Variants in PDGFD observed in about 807,000 individuals in gnomAD.
PDGFD encodes platelet-derived growth factor D.
Under a neutral mutation model 44.7 loss-of-function variants are expected in PDGFD, and 30 were observed. The observed-to-expected ratio is 0.67, with a 90% CI of 0.50 to 0.91. The LOEUF is 0.91. PDGFD is among the 40% of genes least tolerant of loss of function. The pLI, the probability that PDGFD is intolerant of heterozygous loss-of-function variation, is 0.00. For synonymous variants in PDGFD, 173 were observed against 168.4 expected (o/e 1.03, Z -0.21); for missense variants, 445 against 457.8 (o/e 0.97, Z 0.25).
At chr11:103,965,767 C>T (rs147432816) in intron 3 of PDGFD, among the ~76,000 whole-genome samples, 1 of 152,272 alleles carries the variant, frequency 6.6e-6, no homozygotes, top group African/African-American at 2.4e-5. Context: ...TTCTGACTGA[C>T]AGGTTTAGAG....
chr11:104,130,000 G>GAAA lies in PDGFD; in HGVS notation c.124+33801_124+33803dup, dbSNP rs34312271. Among the ~76,000 whole-genome samples the GAAA allele has an allele frequency of 2.7e-4, 35 of 128,612 alleles. No individual in the cohort carries two copies. The Middle Eastern group carries it at 0.012, about 43-fold the overall frequency. 84.4% of individuals were successfully genotyped at this position (128,612 alleles called of 152,430 possible). ...CTCCAACCTGGGCAACAAGACCTCT[G>GAAA]AAAAAAAAAAAAAAGGAGCTAACAA... On this transcript the variant is annotated intron_variant, in intron 1 of 6. Transcript: ENST00000393158.
Position 104,103,734 on chromosome 11 carries a change from G to A in PDGFD, c.124+60070C>T, listed in dbSNP as rs1255012556. 1.1e-4 allele frequency among the ~76,000 whole-genome samples: 16 copies of A among 151,904 alleles called. No individual in the cohort carries two copies. The East Asian group carries it at 1.7e-3, about 17-fold the overall frequency. On this transcript the variant is annotated intron_variant, in intron 1 of 6. Coordinates refer to ENST00000393158, the MANE Select transcript of PDGFD (RefSeq NM_025208.5). ...TACTTACATGTTTGTGGTGAAGCTG[G>A]TGTAAGCAAACTTACTCTACTGCCA...
intron 1 of PDGFD, among the ~76,000 whole-genome samples, chr11:104,058,625 C>T (rs1247076236): frequency 2.0e-5 from 3 of 152,198 alleles, no homozygotes; most frequent in Admixed American, 2.0e-4. Context: ...ACACTTACCA[C>T]ACTCATAGGT....
chr11:104,102,969 C>T (rs1167467434), intron 1 of PDGFD, among the ~76,000 whole-genome samples: 4 of 151,960 alleles, frequency 2.6e-5, no homozygotes, highest in African/African-American at 7.3e-5. Context: ...AGGAGATATA[C>T]CTAATGTTAA....
chr11:104,036,843 C>T (rs777102812), intron 1 of PDGFD: 13 of 1,613,970 alleles, frequency 8.1e-6, no homozygotes, highest in Middle Eastern at 1.6e-4. Context: ...CCGTGTACTG[C>T]GTGCGGAGGG....
At chr11:103,941,361 G>A (rs1160427677) in intron 5 of PDGFD, among the ~76,000 whole-genome samples, 1 of 152,090 alleles carries the variant, frequency 6.6e-6, no homozygotes, top group Non-Finnish European at 1.5e-5. Context: ...ACAAAATGAG[G>A]TGGTGTCTTA....
chr11:104,030,514 C>T (rs1411723437), intron 1 of PDGFD, among the ~76,000 whole-genome samples: 1 of 152,200 alleles, frequency 6.6e-6, no homozygotes, highest in African/African-American at 2.4e-5. Context: ...AAGACTACCT[C>T]TTCACTACCA....
At chr11:104,105,024 A>G (rs1180346944) in intron 1 of PDGFD, among the ~76,000 whole-genome samples, 3 of 152,192 alleles carry the variant, frequency 2.0e-5, no homozygotes, top group Non-Finnish European at 4.4e-5. Context: ...GCAAATAGGT[A>G]ACATTTATGT....
At chr11:103,976,293 G>A (rs376255879) in intron 3 of PDGFD, among the ~76,000 whole-genome samples, 13 of 151,888 alleles carry the variant, frequency 8.6e-5, no homozygotes, top group East Asian at 3.9e-4. Flanking sequence ...TCTTTGTAGC[G>A]ATTGTGAATG....
At chr11:104,082,137 C>CATATATATATATAT (rs937501432) in intron 1 of PDGFD, among the ~76,000 whole-genome samples, 3 of 123,220 alleles carry the variant, frequency 2.4e-5, no homozygotes, top group African/African-American at 1.0e-4. Flanking sequence ...TACATACATA[C>CATATATATATATAT]ATATATATAT....
At chr11:103,976,607 A>C (rs1235200137) in intron 3 of PDGFD, among the ~76,000 whole-genome samples, 1 of 152,078 alleles carries the variant, frequency 6.6e-6, no homozygotes, top group Non-Finnish European at 1.5e-5. Flanking sequence ...GTCTTGTGCC[A>C]GTTTTCAAAT....
intron 1 of PDGFD, among the ~76,000 whole-genome samples, chr11:104,096,241 C>CA (rs11373323): frequency 0.69 from 104,435 of 150,530 alleles, 36,656 homozygotes; most frequent in East Asian, 0.98. Flanking sequence ...ATTTTTCCTG[C>CA]AAAAAAAAAC....
intron 1 of PDGFD, among the ~76,000 whole-genome samples, chr11:104,060,233 G>T (rs746851361): frequency 2.6e-5 from 4 of 152,166 alleles, no homozygotes; most frequent in Non-Finnish European, 5.9e-5. Flanking sequence ...TCTAGATCTA[G>T]GTTTTGTCCA....
rs916613887 is a variant in PDGFD at position 104,071,246 on chromosome 11, A to G, written c.125-70991T>C. ...CCAATATGTAAAAATGGTATGTCAT[A>G]ATAACTTTAACTTAAATTTTTCTTT... On this transcript the variant is annotated intron_variant, in intron 1 of 6. Transcript: ENST00000393158. Among the ~76,000 whole-genome samples the G allele has an allele frequency of 8.5e-5, 13 of 152,102 alleles. No homozygotes were observed. In the East Asian group the frequency reaches 2.5e-3, roughly 29 times the overall value.
At chr11:103,998,853 A>G (rs980775983) in intron 2 of PDGFD, among the ~76,000 whole-genome samples, 1 of 152,150 alleles carries the variant, frequency 6.6e-6, no homozygotes, top group Non-Finnish European at 1.5e-5. Context: ...TGTGGGAAAA[A>G]ACCCTCACCT....
chr11:104,087,513 C>G (rs1003174876), intron 1 of PDGFD, among the ~76,000 whole-genome samples: 11 of 152,106 alleles, frequency 7.2e-5, no homozygotes, highest in Non-Finnish European at 1.0e-4. Context: ...CCGTGCCCAA[C>G]CAGTCCTATT....
chr11:103,949,770 C>T (rs1396412947), intron 3 of PDGFD, among the ~76,000 whole-genome samples: 1 of 152,180 alleles, frequency 6.6e-6, no homozygotes, highest in Non-Finnish European at 1.5e-5. Context: ...GTCTACTCAG[C>T]ATGCCATGGA....
intron 6 of PDGFD, among the ~76,000 whole-genome samples, chr11:103,910,430 G>T (rs1858009434): frequency 6.6e-6 from 1 of 152,174 alleles, no homozygotes; most frequent in Non-Finnish European, 1.5e-5. Context: ...TTAGACATTG[G>T]GTGCAGCCCA....
intron 1 of PDGFD, among the ~76,000 whole-genome samples, chr11:104,004,813 G>T (rs1050268324): frequency 4.7e-5 from 7 of 147,442 alleles, no homozygotes; most frequent in African/African-American, 1.8e-4. Context: ...ATGATCTCTT[G>T]TGTGTGTATG....
Sources: gnomAD v4.1 joint callset for allele counts (sites outside exome capture counted in the v4.1 genomes callset) on GRCh38, gnomAD v4.1.1 for gene constraint, MANE v1.5 for transcripts, NCBI Gene and HGNC (gene_info 2026-07-23, HGNC 2026-07-21) for gene names.